Variants in TMX2 observed in about 807,000 individuals in gnomAD.
TMX2 encodes thioredoxin-related transmembrane protein 2.
Under a neutral mutation model 33.4 loss-of-function variants are expected in TMX2, and 20 were observed. That is an observed-to-expected ratio of 0.60 (90% confidence interval 0.42 to 0.87). The LOEUF is 0.87. TMX2 is among the 40% of genes least tolerant of loss of function. The pLI is 0.00. For missense variants in TMX2, 340 were observed against 370.7 expected (o/e 0.92, Z 0.68); for synonymous variants, 166 against 140.7 (o/e 1.18, Z -1.27).
intron 1 of TMX2, among the ~76,000 whole-genome samples, chr11:57,713,256 A>G (rs750676308): frequency 6.6e-6 from 1 of 152,154 alleles, no homozygotes; most frequent in Non-Finnish European, 1.5e-5. Flanking sequence ...CAGGTCATAC[A>G]ACTAATGAGT....
intron 1 of TMX2, among the ~76,000 whole-genome samples, chr11:57,722,980 G>C (rs1396023757): frequency 1.3e-5 from 2 of 152,004 alleles, no homozygotes; most frequent in African/African-American, 4.8e-5. Flanking sequence ...GCGTGGTGGC[G>C]TGTTCCTGTA....
rs577938385 is a variant in TMX2, at chr11:57,737,957, G to A, written c.295G>A (p.Val99Met). ...HIGNIFMFSK[V>M]ANTILFFRLD... is the part of the protein sequence containing the mutation. ...AGGCAACATTTTCATGTTTAGTAAA[G>A]TGGCCAACACAATTCTTTTCTTCCG... The change falls in exon 3 of 8, where the codon GTG becomes ATG. Residue 99 changes from valine to methionine, a missense_variant. Val to Met is a conservative substitution (Grantham distance 21). This residue lies in a region of TMX2 where 25 missense variants were observed against 46.5 expected (regional missense o/e 0.54). Coordinates refer to ENST00000278422, the MANE Select transcript of TMX2 (RefSeq NM_015959.4). The A allele has an allele frequency of 1.9e-6, 3 of 1,614,122 alleles. No homozygotes were observed. The East Asian group carries it at 6.7e-5, about 36-fold the overall frequency.
chr11:57,733,247 ATTTTTTTTTTTTTTT>A (rs71061537), intron 1 of TMX2, among the ~76,000 whole-genome samples: 1 of 74,866 alleles, frequency 1.3e-5, no homozygotes, highest in African/African-American at 6.0e-5. Flanking sequence ...ACAGTGAGGA[ATTTTTTTTTTTTTTT>A]TTTTTTTTTT....
At chr11:57,718,638 G>T in intron 1 of TMX2, 8 of 332,846 alleles carry the variant, frequency 2.4e-5, no homozygotes, top group East Asian at 7.7e-5. Context: ...CATTTATTCT[G>T]AAATAACCCC....
At position 57,721,591 on chromosome 11, in the gene TMX2, C is replaced by A. The variant is rs527445801; in HGVS notation, c.189+8784C>A. Among the ~76,000 whole-genome samples the A allele has an allele frequency of 2.6e-5, 4 of 152,210 alleles. No individual in the cohort carries two copies. The South Asian group carries it at 8.3e-4, about 32-fold the overall frequency. On this transcript the variant is annotated intron_variant, in intron 1 of 7. Coordinates refer to ENST00000278422, the MANE Select transcript of TMX2 (RefSeq NM_015959.4). Reference sequence around the variant, plus strand: ...TCGGCCTCCCAAAGTGCTGGGATTACAGGTATAAGCCACTGTGCCTGGTCT... The same window carrying A: ...TCGGCCTCCCAAAGTGCTGGGATTAAAGGTATAAGCCACTGTGCCTGGTCT...
intron 7 of TMX2, 32 bp downstream of exon 7, chr11:57,739,292 G>C: frequency 6.2e-7 from 1 of 1,612,994 alleles, no homozygotes; most frequent in Non-Finnish European, 8.5e-7. Flanking sequence ...TGCATGAAGG[G>C]TGCAGAACAG....
chr11:57,733,836 C>G (rs1948557836), intron 1 of TMX2, among the ~76,000 whole-genome samples: 1 of 152,112 alleles, frequency 6.6e-6, no homozygotes, highest in Admixed American at 6.6e-5. Context: ...AACCTGTGGC[C>G]TTGGGTCATC....
intron 1 of TMX2, among the ~76,000 whole-genome samples, chr11:57,717,752 A>AGGGGAGGG (rs1204007925): frequency 8.0e-6 from 1 of 125,382 alleles, no homozygotes; most frequent in Non-Finnish European, 1.7e-5. Context: ...GAGAGGGGAG[A>AGGGGAGGG]GGGAGAGGCA....
chr11:57,727,440 G>C (rs971761338), intron 1 of TMX2, among the ~76,000 whole-genome samples: 2 of 152,046 alleles, frequency 1.3e-5, no homozygotes, highest in African/African-American at 4.8e-5. Context: ...GGCCAAGAGA[G>C]GGGACTGAGG....
At chr11:57,728,916 C>G (rs905585601) in intron 1 of TMX2, among the ~76,000 whole-genome samples, 3 of 152,048 alleles carry the variant, frequency 2.0e-5, no homozygotes, top group Non-Finnish European at 2.9e-5. Context: ...TAAAAAATGG[C>G]TCATCCAGGA....
rs71061533 is a variant in TMX2, at chr11:57,723,805, AAATAAT to A, written c.189+11025_189+11030del. On this transcript the variant is annotated intron_variant, in intron 1 of 7. Coordinates refer to ENST00000278422, the MANE Select transcript of TMX2 (RefSeq NM_015959.4). ...GTGACAGAGCAAGACTCTGTCTCAA[AAATAAT>A]AATAATAATAATAATAATAATAATA... is the stretch of plus-strand genomic sequence containing the variant. Among the ~76,000 whole-genome samples, 1,400 of 142,364 alleles carry A rather than the reference AAATAAT, an allele frequency of 9.8e-3. 29 individuals are homozygous for A. The highest frequency in any genetic ancestry group is 0.031 in the African/African-American group (1,192 of 38,890). 93.4% of individuals were successfully genotyped at this position (142,364 alleles called of 152,430 possible).
chr11:57,712,649 G>A lies in TMX2; in HGVS notation c.31G>A (p.Val11Met). The A allele has an allele frequency of 6.2e-7, 1 of 1,614,088 alleles. No individual in the cohort carries two copies. The highest frequency in any genetic ancestry group is 1.3e-5 in the African/African-American group (1 of 75,042). ...GGTCTTGGCACCTCTAATTGCTCTC[G>A]TGTATTCGGTGCCGCGACTTTCACG... MAVLAPLIAL[V>M]YSVPRLSRWL... Residue 11 changes from valine (V) to methionine (M), a missense_variant, in exon 1 of 8, where the codon GTG becomes ATG. Physicochemically the swap from Val to Met is conservative, Grantham distance 21. Coordinates refer to ENST00000278422, the MANE Select transcript of TMX2 (RefSeq NM_015959.4).
intron 1 of TMX2, among the ~76,000 whole-genome samples, chr11:57,737,247 C>G (rs544279291): frequency 7.2e-5 from 11 of 152,282 alleles, no homozygotes; most frequent in African/African-American, 2.6e-4. Flanking sequence ...TGGTGAAACC[C>G]TGTCTCTACT....
intron 1 of TMX2, among the ~76,000 whole-genome samples, chr11:57,728,206 A>G (rs912776430): frequency 2.6e-5 from 4 of 151,740 alleles, no homozygotes; most frequent in Admixed American, 6.6e-5. Flanking sequence ...TGTGTCGCCC[A>G]GGCTGGAGTG....
At position 57,716,445 on chromosome 11, in the gene TMX2, AC is replaced by A. The variant is rs1393108215; in HGVS notation, c.189+3645del. Among the ~76,000 whole-genome samples, 5 of 104,824 alleles carry A rather than the reference AC, an allele frequency of 4.8e-5. No individual in the cohort carries two copies. The East Asian group carries it at 1.5e-3, about 31-fold the overall frequency. 68.8% of individuals were successfully genotyped at this position (104,824 alleles called of 152,430 possible). Reference sequence around the variant, plus strand: ...GGGCGGCTGGCCGGGCGGGGGGCTGACCCCCCCACCTCCCTCCCGGACGGGG... The same window carrying A: ...GGGCGGCTGGCCGGGCGGGGGGCTGACCCCCCACCTCCCTCCCGGACGGGG... On this transcript the variant is annotated intron_variant, in intron 1 of 7. Transcript: ENST00000278422.
At position 57,738,651 on chromosome 11, in the gene TMX2, C is replaced by A; in HGVS notation, c.442-13C>A. On this transcript the variant is annotated splice_polypyrimidine_tract_variant and intron_variant, in intron 4 of 7. Coordinates refer to ENST00000278422, the MANE Select transcript of TMX2 (RefSeq NM_015959.4). Reference sequence around the variant, plus strand: ...TGTGGATCCAGCTGACTTTTCTTCCCTGTATTTGGCAGGAGGAACTAGAAC... The same window carrying A: ...TGTGGATCCAGCTGACTTTTCTTCCATGTATTTGGCAGGAGGAACTAGAAC... 1 of 1,611,564 alleles carries A rather than the reference C, an allele frequency of 6.2e-7. No individual in the cohort carries two copies. Among genetic ancestry groups the A allele is most frequent in the Non-Finnish European group, 8.5e-7 (1 of 1,178,010 alleles).
chr11:57,736,340 TAAA>T (rs71061538), intron 1 of TMX2, among the ~76,000 whole-genome samples: 11 of 145,198 alleles, frequency 7.6e-5, no homozygotes, highest in Admixed American at 6.9e-5. Flanking sequence ...GCTGATGAGC[TAAA>T]AAAAAAAAAA....
chr11:57,717,598 T>C (rs1287990892), intron 1 of TMX2, among the ~76,000 whole-genome samples: 3 of 151,450 alleles, frequency 2.0e-5, no homozygotes, highest in African/African-American at 2.4e-5. Context: ...AGGCACTCGG[T>C]GGGCTGAGGC....
intron 1 of TMX2, among the ~76,000 whole-genome samples, chr11:57,736,882 TC>T (rs1235070141): frequency 9.1e-5 from 12 of 132,566 alleles, no homozygotes; most frequent in Non-Finnish European, 3.3e-5. Context: ...CAAGACTGTC[TC>T]AAAAAAAAAA....
Sources: gnomAD v4.1 joint callset for allele counts (sites outside exome capture counted in the v4.1 genomes callset) on GRCh38, gnomAD v4.1.1 for gene constraint, gnomAD v4.1.1 regional missense constraint, MANE v1.5 for transcripts, NCBI Gene and HGNC (gene_info 2026-07-23, HGNC 2026-07-21) for gene names.